Variants in TMPRSS11E observed in about 807,000 individuals in gnomAD.
TMPRSS11E encodes the protein transmembrane protease serine 11E.
In TMPRSS11E, 38 loss-of-function variants were observed where a neutral mutation model predicts 48.1. The ratio of observed to expected loss-of-function variants is 0.79; its 90% CI spans 0.61 to 1.04. The LOEUF (loss-of-function observed/expected upper bound fraction) is 1.04. Among genes scored for constraint, TMPRSS11E ranks in the 50% least tolerant of loss-of-function variants. The pLI is 0.00. For missense variants in TMPRSS11E, 530 were observed against 510.8 expected (o/e 1.04, Z -0.36); for synonymous variants, 158 against 171.9 (o/e 0.92, Z 0.63).
At chr4:68,478,139 G>A (rs2109699802) in intron 8 of TMPRSS11E, among the ~76,000 whole-genome samples, 1 of 120,836 alleles carries the variant, frequency 8.3e-6, no homozygotes, top group African/African-American at 3.0e-5. Flanking sequence ...CTAAGATTCT[G>A]TATCACTATC....
At chr4:68,478,797 G>A in intron 8 of TMPRSS11E, 52 bp from the exon 9 acceptor site, 1 of 1,588,704 alleles carries the variant, frequency 6.3e-7, no homozygotes, top group Non-Finnish European at 8.6e-7. Context: ...TTTTCTTCAA[G>A]TTTATAAAAT....
chr4:68,477,597 T>G lies in TMPRSS11E; in HGVS notation c.936T>G (p.Phe312Leu). ...AGTTTCAACCAGGTGATGTGATGTT[T>G]GTGACAGGATTTGGAGCACTGAAAA... Reference protein sequence around the residue: ...SYEFQPGDVMFVTGFGALKND... With the variant: ...SYEFQPGDVMLVTGFGALKND... Residue 312 changes from phenylalanine (F) to leucine (L), a missense_variant, in exon 8 of 10, where the codon TTT (phenylalanine) becomes TTG (leucine). Phe to Leu is a conservative substitution (Grantham distance 22). Transcript: ENST00000305363. 1 of 1,613,962 alleles carries G rather than the reference T, an allele frequency of 6.2e-7. No homozygotes were observed. Among genetic ancestry groups the G allele is most frequent in the Non-Finnish European group, 8.5e-7 (1 of 1,179,938 alleles).
intron 9 of TMPRSS11E, among the ~76,000 whole-genome samples, chr4:68,480,998 C>G (rs553788449): frequency 6.6e-6 from 1 of 152,244 alleles, no homozygotes; most frequent in East Asian, 1.9e-4. Context: ...TTGTTCCTCT[C>G]TTTGTGTCCA....
At chr4:68,493,574 C>T (rs1729789307) in intron 9 of TMPRSS11E, among the ~76,000 whole-genome samples, 1 of 152,104 alleles carries the variant, frequency 6.6e-6, no homozygotes, top group African/African-American at 2.4e-5. Context: ...TTAAGCTATT[C>T]TCTCGCCTCA....
intron 1 of TMPRSS11E, among the ~76,000 whole-genome samples, chr4:68,457,372 G>A (rs565494501): frequency 1.8e-4 from 27 of 152,242 alleles, no homozygotes; most frequent in African/African-American, 6.5e-4. Context: ...AGTTAGAATG[G>A]CGATCATTAA....
chr4:68,487,660 G>A (rs188932142), intron 9 of TMPRSS11E, among the ~76,000 whole-genome samples: 63 of 152,072 alleles, frequency 4.1e-4, no homozygotes, highest in Admixed American at 8.5e-4. Flanking sequence ...AAAAGATTCC[G>A]TTTCTCCTTC....
In TMPRSS11E at chr4:68,497,489, TATA is replaced by T. The variant is rs1729905218; in HGVS notation, c.*691_*693del. The T allele has an allele frequency of 6.6e-6, 1 of 152,146 alleles. No individual in the cohort carries two copies. Among genetic ancestry groups the T allele is most frequent in the Non-Finnish European group, 1.5e-5 (1 of 68,018 alleles). The allele number at this position is 152,146 out of a possible 1,614,324, so 9.4% of individuals were successfully genotyped here. A position where few individuals can be genotyped will look rare whatever the true frequency, so the allele number is the denominator to read the frequency against. ...AAGAAGATTCTGTTTTTTTGTGACCTATAATAATTATACAAACTTCATGCAATG... is the reference window on the plus strand; with the variant it reads ...AAGAAGATTCTGTTTTTTTGTGACCTATAATTATACAAACTTCATGCAATG... On this transcript the variant is annotated 3_prime_UTR_variant, in exon 10 of 10. Coordinates refer to ENST00000305363, the MANE Select transcript of TMPRSS11E (RefSeq NM_014058.4).
intron 7 of TMPRSS11E, among the ~76,000 whole-genome samples, chr4:68,476,890 GAATA>G (rs1163309570): frequency 6.6e-6 from 1 of 152,128 alleles, no homozygotes; most frequent in Non-Finnish European, 1.5e-5. Flanking sequence ...TTGTATAAAT[GAATA>G]GATTGACTAA....
chr4:68,485,580 T>A (rs530970897), intron 9 of TMPRSS11E, among the ~76,000 whole-genome samples: 53 of 152,342 alleles, frequency 3.5e-4, no homozygotes, highest in African/African-American at 1.2e-3. Flanking sequence ...TTTGCATCAA[T>A]GTTCATCAAG....
At position 68,447,525 on chromosome 4, in the gene TMPRSS11E, T is replaced by A; in HGVS notation, c.11+2T>A. Reference sequence around the variant, plus strand: ...TTGCTGGTTGGCAATGATGTATCGGTGAGTTAGTTCCCTTTTTCTTTCTAG... The same window carrying A: ...TTGCTGGTTGGCAATGATGTATCGGAGAGTTAGTTCCCTTTTTCTTTCTAG... On this transcript the variant is annotated splice_donor_variant, in intron 1 of 9. Coordinates refer to ENST00000305363, the MANE Select transcript of TMPRSS11E (RefSeq NM_014058.4). LOFTEE classifies it high-confidence loss of function. 2.5e-6 allele frequency: 4 copies of A among 1,608,618 alleles called. No homozygotes were observed. Among genetic ancestry groups the A allele is most frequent in the Non-Finnish European group, 3.4e-6 (4 of 1,176,870 alleles).
intron 3 of TMPRSS11E, among the ~76,000 whole-genome samples, chr4:68,467,071 G>T (rs1443975133): frequency 1.3e-5 from 2 of 152,052 alleles, no homozygotes; most frequent in Admixed American, 6.6e-5. Context: ...TATATTTGTT[G>T]TATCCTAGAC....
intron 9 of TMPRSS11E, among the ~76,000 whole-genome samples, chr4:68,494,841 G>A (rs1292483357): frequency 6.6e-6 from 1 of 152,186 alleles, no homozygotes; most frequent in Non-Finnish European, 1.5e-5. Flanking sequence ...TGGTGCTAAG[G>A]CAATATACAC....
chr4:68,452,907 C>A (rs546859007), intron 1 of TMPRSS11E, among the ~76,000 whole-genome samples: 1 of 151,934 alleles, frequency 6.6e-6, no homozygotes, highest in Non-Finnish European at 1.5e-5. Context: ...GGACAACTGG[C>A]AGCTGCCTGA....
rs1444128627 is a variant in TMPRSS11E, at chr4:68,477,682, T to C, written c.967+54T>C. 3 of 1,591,110 alleles carry C rather than the reference T, an allele frequency of 1.9e-6. No individual in the cohort carries two copies. The African/African-American group carries it at 4.0e-5, about 21-fold the overall frequency. On this transcript the variant is annotated intron_variant, in intron 8 of 9. Transcript: ENST00000305363. Reference sequence around the variant, plus strand: ...AAGTTAAATTGGTATTTTATGGCATTTAAGCAATGAAATGCCATTATGCCA... The same window carrying C: ...AAGTTAAATTGGTATTTTATGGCATCTAAGCAATGAAATGCCATTATGCCA...
At chr4:68,454,357 A>G (rs996941004) in intron 1 of TMPRSS11E, among the ~76,000 whole-genome samples, 2 of 151,898 alleles carry the variant, frequency 1.3e-5, no homozygotes, top group Non-Finnish European at 2.9e-5. Flanking sequence ...TTTTTATGGT[A>G]TTAATTTGCA....
Position 68,494,561 on chromosome 4 carries a change from C to T in TMPRSS11E, c.1111-2082C>T, listed in dbSNP as rs186803980. ...CCACGGCTTCCTGTTTGGCTTCTTC[C>T]AATTTTAGAAGTTTCTGAATACACT... On this transcript the variant is annotated intron_variant, in intron 9 of 9. Coordinates refer to ENST00000305363, the MANE Select transcript of TMPRSS11E (RefSeq NM_014058.4). Among the ~76,000 whole-genome samples the T allele has an allele frequency of 7.4e-3, 1,129 of 152,194 alleles. 8 individuals carry two copies. The highest frequency in any genetic ancestry group is 0.012 in the Non-Finnish European group (801 of 68,004).
intron 2 of TMPRSS11E, 68 bp from the exon 3 acceptor site, chr4:68,466,563 G>T (rs139012387): frequency 6.5e-7 from 1 of 1,548,628 alleles, no homozygotes; most frequent in Non-Finnish European, 8.8e-7. Flanking sequence ...ACCACCAAGC[G>T]GGGATATAAT....
chr4:68,459,397 A>T (rs1290399040), intron 1 of TMPRSS11E, among the ~76,000 whole-genome samples: 1 of 152,040 alleles, frequency 6.6e-6, no homozygotes, highest in Admixed American at 6.6e-5. Flanking sequence ...TAAAAAATCC[A>T]CCATAAAACA....
At chr4:68,481,282 G>A (rs936533161) in intron 9 of TMPRSS11E, among the ~76,000 whole-genome samples, 4 of 152,086 alleles carry the variant, frequency 2.6e-5, no homozygotes, top group Admixed American at 6.6e-5. Context: ...GTGTCTTTAT[G>A]GCAGAACAAT....
Sources: allele counts gnomAD v4.1 joint callset (sites outside exome capture counted in the v4.1 genomes callset), GRCh38; gene constraint gnomAD v4.1.1; transcripts MANE v1.5; gene names NCBI Gene and HGNC (gene_info 2026-07-23, HGNC 2026-07-21).